The following NELFA variants were observed in gnomAD, a reference collection of about 807,000 sequenced individuals.
NELFA encodes the protein negative elongation factor complex member A.
Under a neutral mutation model 51.8 loss-of-function variants are expected in NELFA, and 35 were observed. The ratio of observed to expected loss-of-function variants is 0.68; its 90% CI spans 0.52 to 0.90. The LOEUF is 0.90. Among genes scored for constraint, NELFA ranks in the 40% least tolerant of loss-of-function variants. The pLI is 0.00. For missense variants in NELFA, 658 were observed against 746.4 expected, an observed-to-expected ratio of 0.88 and a Z score of 1.38; for synonymous variants, 417 against 338.4, an observed-to-expected ratio of 1.23 and a Z score of -2.55.
chr4:1,998,534 G>A (rs1310789135), intron 1 of NELFA, among the ~76,000 whole-genome samples: 3 of 152,226 alleles, frequency 2.0e-5, no homozygotes, highest in East Asian at 3.9e-4. Context: ...AATCCACAAA[G>A]CGGAACAAAG....
At chr4:1,984,670 C>T (rs894187358) in intron 8 of NELFA, 138 bp downstream of exon 8, 2 of 642,808 alleles carry the variant, frequency 3.1e-6, no homozygotes, top group East Asian at 2.8e-5. Flanking sequence ...GGCATCTGCC[C>T]CCAGCAGATT....
At chr4:1,991,132 A>G (rs767388626) in intron 2 of NELFA, among the ~76,000 whole-genome samples, 1 of 152,236 alleles carries the variant, frequency 6.6e-6, no homozygotes, top group Non-Finnish European at 1.5e-5. Context: ...TTCAGTTCAC[A>G]TTTAAACAAC....
intron 1 of NELFA, among the ~76,000 whole-genome samples, chr4:2,008,234 C>A (rs1728763934): frequency 6.9e-6 from 1 of 145,668 alleles, no homozygotes; most frequent in African/African-American, 2.5e-5. Context: ...CTCCAAGAGT[C>A]GGTCGCTTCG....
intron 4 of NELFA, 124 bp from the exon 5 acceptor site, chr4:1,986,526 G>C (rs767528052): frequency 1.4e-6 from 2 of 1,468,064 alleles, no homozygotes; most frequent in Admixed American, 4.1e-5. Flanking sequence ...AACCCCTGGC[G>C]GGCAGCGGGC....
Position 1,992,723 on chromosome 4 carries a change from A to G in NELFA, c.211-1008T>C. The G allele has an allele frequency of 1.5e-5, 3 of 196,450 alleles. No individual in the cohort carries two copies. In the South Asian group the frequency reaches 1.8e-4, roughly 12 times the overall value. The allele number at this position is 196,450 out of a possible 1,614,324, so 12.2% of individuals were successfully genotyped here. Reference sequence around the variant, plus strand: ...CGCCTCCTGGTGGCCTCTGAGTGGGAGGACCTTCCAGCGCTTCCCTCACTG... The same window carrying G: ...CGCCTCCTGGTGGCCTCTGAGTGGGGGGACCTTCCAGCGCTTCCCTCACTG... On this transcript the variant is annotated intron_variant, in intron 1 of 10. Transcript: ENST00000382882.
chr4:1,992,543 G>GGGCT (rs1463100911), intron 1 of NELFA: 1 of 367,816 alleles, frequency 2.7e-6, no homozygotes. Flanking sequence ...TGAGACAGCT[G>GGGCT]GGCTGGCTGG....
intron 1 of NELFA, among the ~76,000 whole-genome samples, chr4:2,005,417 C>T (rs1054372473): frequency 5.9e-5 from 9 of 152,090 alleles, no homozygotes; most frequent in African/African-American, 2.2e-4. Context: ...AAAACTTTAG[C>T]ACAGATACTA....
At chr4:2,007,060 C>T (rs1253451260) in intron 1 of NELFA, 1 of 305,146 alleles carries the variant, frequency 3.3e-6, no homozygotes, top group Non-Finnish European at 7.0e-6. Context: ...GAGTTCAAGA[C>T]CAGCCTGGGC....
chr4:2,004,906 C>A (rs1353247957), intron 1 of NELFA, among the ~76,000 whole-genome samples: 3 of 150,214 alleles, frequency 2.0e-5, no homozygotes, highest in African/African-American at 7.4e-5. Flanking sequence ...CCTGGGTTCA[C>A]GGCATTCTTC....
rs1351370231 is a variant in NELFA at position 1,986,114 on chromosome 4, C to T, written c.835G>A (p.Asp279Asn). The T allele has an allele frequency of 1.9e-6, 3 of 1,551,530 alleles. No individual in the cohort carries two copies. The highest frequency in any genetic ancestry group is 1.7e-4 in the Middle Eastern group (1 of 6,012). ...REAKRRRKTL[D>N]AEVVEKPAKE... Reference sequence around the variant, plus strand: ...CCGACACGCAGGCCCCAACCCCCACCGAGAGTCTTCCTTCTCCGCTTCGCC... The same window carrying T: ...CCGACACGCAGGCCCCAACCCCCACTGAGAGTCTTCCTTCTCCGCTTCGCC... The change falls in exon 6 of 11, where the codon GAT (aspartate) becomes AAT (asparagine). Residue 279 changes from aspartate to asparagine, a missense_variant and splice_region_variant. Physicochemically the swap from Asp to Asn is conservative, Grantham distance 23. This residue lies in a region of NELFA where 371 missense variants were observed against 448.3 expected (regional missense o/e 0.83). Transcript: ENST00000382882.
intron 1 of NELFA, chr4:2,007,238 C>G (rs933925298): frequency 1.6e-5 from 5 of 306,578 alleles, no homozygotes; most frequent in Non-Finnish European, 3.6e-5. Context: ...ACAAAACACT[C>G]TGAAAAATAA....
intron 1 of NELFA, among the ~76,000 whole-genome samples, chr4:2,008,380 G>A (rs891940936): frequency 6.6e-6 from 1 of 151,402 alleles, no homozygotes; most frequent in Admixed American, 6.6e-5. Flanking sequence ...GCGGGGAGGA[G>A]ATTGAGGATC....
intron 1 of NELFA, 65 bp downstream of exon 1, chr4:2,008,685 G>C: frequency 6.5e-7 from 1 of 1,536,780 alleles, no homozygotes; most frequent in South Asian, 1.2e-5. Context: ...TCCGGAGTTG[G>C]GTGTGCGGGT....
At chr4:2,008,223 G>A (rs905519533) in intron 1 of NELFA, among the ~76,000 whole-genome samples, 11 of 152,084 alleles carry the variant, frequency 7.2e-5, no homozygotes, top group Non-Finnish European at 1.2e-4. Flanking sequence ...GCGCACCCCC[G>A]CTCCAAGAGT....
intron 1 of NELFA, among the ~76,000 whole-genome samples, chr4:2,002,462 C>T (rs554141255): frequency 4.6e-5 from 7 of 152,244 alleles, no homozygotes; most frequent in African/African-American, 1.7e-4. Flanking sequence ...GGAGGCATCA[C>T]GCTACCTGAC....
rs55919817 is a variant in NELFA at position 2,007,409 on chromosome 4, G to C, written c.210+1341C>G. On this transcript the variant is annotated intron_variant, in intron 1 of 10. Transcript: ENST00000382882. Reference sequence around the variant, plus strand: ...GTCACTGTGGCAGAATGGATAAAGTGCCTCGTGCTCACAGACAGGAATACC... The same window carrying C: ...GTCACTGTGGCAGAATGGATAAAGTCCCTCGTGCTCACAGACAGGAATACC... Among the ~76,000 whole-genome samples, 522 of 152,302 alleles carry C rather than the reference G, an allele frequency of 3.4e-3. 2 individuals carry two copies. The highest frequency in any genetic ancestry group is 0.012 in the African/African-American group (500 of 41,566).
At chr4:1,998,514 T>C (rs1213273920) in intron 1 of NELFA, among the ~76,000 whole-genome samples, 2 of 152,112 alleles carry the variant, frequency 1.3e-5, no homozygotes, top group Non-Finnish European at 2.9e-5. Flanking sequence ...TCCGCAAGTA[T>C]TAACAGCCGA....
chr4:1,990,556 T>C, intron 2 of NELFA: 1 of 455,228 alleles, frequency 2.2e-6, no homozygotes, highest in East Asian at 7.0e-5. Context: ...GTGTGGTGTG[T>C]GTGACCTCAC....
At position 1,983,168 on chromosome 4, in the gene NELFA, G is replaced by A. The variant is rs1243545744; in HGVS notation, c.*151C>T. 6.3e-6 allele frequency: 4 copies of A among 635,714 alleles called. No individual in the cohort carries two copies. Among genetic ancestry groups the A allele is most frequent in the Middle Eastern group, 4.2e-4 (1 of 2,376 alleles). The allele number at this position is 635,714 out of a possible 1,614,324, so 39.4% of individuals were successfully genotyped here. A position where few individuals can be genotyped will look rare whatever the true frequency, so the allele number is the denominator to read the frequency against. ...TAAGCCCCAAATACCCCAGAGAAATGCATCCAGAACTTAAAACAGGCTGGG... is the reference window on the plus strand; with the variant it reads ...TAAGCCCCAAATACCCCAGAGAAATACATCCAGAACTTAAAACAGGCTGGG... On this transcript the variant is annotated 3_prime_UTR_variant, in exon 11 of 11. Coordinates refer to ENST00000382882, the MANE Select transcript of NELFA (RefSeq NM_005663.5).
Sources: gnomAD v4.1 joint callset for allele counts (sites outside exome capture counted in the v4.1 genomes callset) on GRCh38, gnomAD v4.1.1 for gene constraint, gnomAD v4.1.1 regional missense constraint, MANE v1.5 for transcripts, NCBI Gene and HGNC (gene_info 2026-07-23, HGNC 2026-07-21) for gene names.